The following PITPNC1 variants were observed in gnomAD, a reference collection of about 807,000 sequenced individuals.
The protein encoded by PITPNC1 is phosphatidylinositol transfer protein cytoplasmic 1.
Under a neutral mutation model 44.7 loss-of-function variants are expected in PITPNC1, and 18 were observed. The observed-to-expected ratio is 0.40, with a 90% confidence interval of 0.28 to 0.60. PITPNC1 has a LOEUF of 0.60. Ranked by LOEUF, PITPNC1 falls within the 20% of genes least tolerant of loss-of-function variation. The pLI is 0.39. For synonymous variants in PITPNC1, 141 were observed against 149.6 expected, an observed-to-expected ratio of 0.94 and a Z score of 0.42; for missense variants, 290 against 418.4, an observed-to-expected ratio of 0.69 and a Z score of 2.68.
intron 5 of PITPNC1, among the ~76,000 whole-genome samples, chr17:67,615,421 C>T (rs2144301595): frequency 6.6e-6 from 1 of 152,280 alleles, no homozygotes; most frequent in Middle Eastern, 3.4e-3. Flanking sequence ...GAGGAGGAAA[C>T]TCAGAGAGCA....
chr17:67,565,087 A>G (rs113185601), intron 4 of PITPNC1, among the ~76,000 whole-genome samples: 1 of 151,788 alleles, frequency 6.6e-6, no homozygotes, highest in Admixed American at 6.6e-5. Flanking sequence ...TTCAGTGTGT[A>G]TACTTGTTTC....
chr17:67,573,601 C>T (rs992729066), intron 4 of PITPNC1, among the ~76,000 whole-genome samples: 9 of 141,044 alleles, frequency 6.4e-5, no homozygotes, highest in South Asian at 2.2e-4. Flanking sequence ...CTTGCTCTGT[C>T]GCCCAGGCTG....
At chr17:67,518,350 A>G (rs1253753190) in intron 1 of PITPNC1, among the ~76,000 whole-genome samples, 1 of 152,170 alleles carries the variant, frequency 6.6e-6, no homozygotes, top group African/African-American at 2.4e-5. Context: ...AATTAAACTT[A>G]TGTTTGCAAA....
chr17:67,439,448 T>C (rs2038981978), intron 1 of PITPNC1, among the ~76,000 whole-genome samples: 1 of 152,188 alleles, frequency 6.6e-6, no homozygotes, highest in Admixed American at 6.5e-5. Context: ...CAGCTTATGG[T>C]ATTTATTTAA....
intron 7 of PITPNC1, among the ~76,000 whole-genome samples, chr17:67,671,439 C>T (rs2042510221): frequency 6.6e-6 from 1 of 152,156 alleles, no homozygotes; most frequent in South Asian, 2.1e-4. Flanking sequence ...TTTGGAGTCA[C>T]TGGAATTTAA....
intron 6 of PITPNC1, among the ~76,000 whole-genome samples, chr17:67,652,464 A>G (rs1408699649): frequency 6.6e-6 from 1 of 152,218 alleles, no homozygotes; most frequent in African/African-American, 2.4e-5. Context: ...ATCTGGCCCC[A>G]GGGAAACAGC....
intron 5 of PITPNC1, among the ~76,000 whole-genome samples, chr17:67,602,601 A>T (rs1203401607): frequency 6.6e-6 from 1 of 152,196 alleles, no homozygotes; most frequent in Non-Finnish European, 1.5e-5. Flanking sequence ...TCATGAAGCC[A>T]GGGGTCAGGT....
intron 1 of PITPNC1, among the ~76,000 whole-genome samples, chr17:67,514,579 C>G (rs770295372): frequency 3.3e-5 from 5 of 151,042 alleles, no homozygotes; most frequent in Non-Finnish European, 7.4e-5. Context: ...AATCCCAGCA[C>G]TTTGGGAGGC....
chr17:67,641,252 AT>A (rs1337795420), intron 6 of PITPNC1, among the ~76,000 whole-genome samples: 1 of 152,188 alleles, frequency 6.6e-6, no homozygotes, highest in Non-Finnish European at 1.5e-5. Context: ...TTAATACATG[AT>A]CCTTGTAAAA....
At chr17:67,462,662 G>T (rs1338865234) in intron 1 of PITPNC1, among the ~76,000 whole-genome samples, 1 of 151,456 alleles carries the variant, frequency 6.6e-6, no homozygotes, top group Admixed American at 6.6e-5. Context: ...GTGGAGCTAG[G>T]AAAGTTATTT....
intron 4 of PITPNC1, among the ~76,000 whole-genome samples, chr17:67,560,529 G>C (rs1283061611): frequency 2.0e-5 from 3 of 152,180 alleles, no homozygotes; most frequent in Non-Finnish European, 4.4e-5. Flanking sequence ...TTGTGCATTT[G>C]GATTTGTTTC....
intron 6 of PITPNC1, among the ~76,000 whole-genome samples, chr17:67,662,073 C>T (rs1319559559): frequency 6.6e-6 from 1 of 152,032 alleles, no homozygotes; most frequent in African/African-American, 2.4e-5. Context: ...CCTGAAAAAC[C>T]CACCGACGCA....
intron 5 of PITPNC1, among the ~76,000 whole-genome samples, chr17:67,590,631 C>T (rs916239492): frequency 1.3e-5 from 2 of 152,102 alleles, no homozygotes; most frequent in Non-Finnish European, 2.9e-5. Context: ...TATTTCTCTG[C>T]AAGTGACTTA....
intron 4 of PITPNC1, among the ~76,000 whole-genome samples, chr17:67,572,473 G>GT (rs1023504530): frequency 1.8e-5 from 2 of 113,942 alleles, no homozygotes; most frequent in East Asian, 3.3e-4. Flanking sequence ...TAAAGCGGGG[G>GT]GGGGGGGTAA....
At chr17:67,539,453 T>C (rs1051769435) in intron 2 of PITPNC1, among the ~76,000 whole-genome samples, 1 of 152,216 alleles carries the variant, frequency 6.6e-6, no homozygotes, top group Non-Finnish European at 1.5e-5. Context: ...ATTCACGTAA[T>C]GGAAAATTCC....
At chr17:67,463,822 G>A (rs897895494) in intron 1 of PITPNC1, among the ~76,000 whole-genome samples, 2 of 152,004 alleles carry the variant, frequency 1.3e-5, no homozygotes, top group East Asian at 1.9e-4. Context: ...TGGGAGGATC[G>A]TTTAAGCCCG....
chr17:67,673,189 T>A (rs2042542984), intron 7 of PITPNC1, among the ~76,000 whole-genome samples: 1 of 152,226 alleles, frequency 6.6e-6, no homozygotes, highest in South Asian at 2.1e-4. Context: ...TTTCCTTGTT[T>A]CTGCAAATTC....
chr17:67,433,196 T>A (rs2038881521), intron 1 of PITPNC1, among the ~76,000 whole-genome samples: 1 of 152,160 alleles, frequency 6.6e-6, no homozygotes, highest in Non-Finnish European at 1.5e-5. Context: ...TTTTCCTGTC[T>A]CCTGGCAGTC....
intron 1 of PITPNC1, among the ~76,000 whole-genome samples, chr17:67,403,154 G>A (rs915145345): frequency 2.2e-5 from 3 of 138,786 alleles, no homozygotes; most frequent in Non-Finnish European, 4.6e-5. Context: ...GGGCCAAGGC[G>A]GGAGGATTGC....
Sources: allele counts gnomAD v4.1 joint callset (sites outside exome capture counted in the v4.1 genomes callset), GRCh38; gene constraint gnomAD v4.1.1; transcripts MANE v1.5; gene names NCBI Gene and HGNC (gene_info 2026-07-23, HGNC 2026-07-21).